SCUBE1: variants seen among roughly 807,000 people sequenced by gnomAD.
SCUBE1 encodes signal peptide, CUB and EGF-like domain-containing protein 1.
A neutral mutation model predicts 124.4 loss-of-function variants in SCUBE1; 59 were observed. The observed-to-expected ratio is 0.47, with a 90% confidence interval of 0.38 to 0.59. The LOEUF (loss-of-function observed/expected upper bound fraction) is 0.59. SCUBE1 is among the 20% of genes least tolerant of loss of function. The probability of loss-of-function intolerance (pLI) is 0.00; values close to 1 mark genes in which losing one functional copy is unlikely to be tolerated. For synonymous variants in SCUBE1, 545 were observed against 550.9 expected (o/e 0.99, Z 0.15); for missense variants, 1,150 against 1,371.2 (o/e 0.84, Z 2.55).
In SCUBE1 at chr22:43,281,461, AGCCACCCTCCTGTCACCTCCCTCTTTG is replaced by A. The variant is rs1316774994; in HGVS notation, c.484+9558_484+9584del. Reference sequence around the variant, plus strand: ...TGGCCACCCTCCTGTCATCTCCCTCAGCCACCCTCCTGTCACCTCCCTCTTTGGCCACCCTCCTGTCACCTCCTCCTC... The same window carrying A: ...TGGCCACCCTCCTGTCATCTCCCTCAGCCACCCTCCTGTCACCTCCTCCTC... On this transcript the variant is annotated intron_variant, in intron 4 of 21. Coordinates refer to ENST00000360835, the MANE Select transcript of SCUBE1 (RefSeq NM_173050.5). Among the ~76,000 whole-genome samples, 177 of 46,466 alleles carry A rather than the reference AGCCACCCTCCTGTCACCTCCCTCTTTG, an allele frequency of 3.8e-3. 12 individuals are homozygous for A. Among genetic ancestry groups the A allele is most frequent in the African/African-American group, 0.03 (121 of 4,074 alleles). 30.5% of individuals were successfully genotyped at this position (46,466 alleles called of 152,430 possible). A position where few individuals can be genotyped will look rare whatever the true frequency, so the allele number is the denominator to read the frequency against.
At chr22:43,284,293 G>A (rs1313498340) in intron 4 of SCUBE1, among the ~76,000 whole-genome samples, 1 of 152,222 alleles carries the variant, frequency 6.6e-6, no homozygotes, top group Admixed American at 6.5e-5. Context: ...AGGCCAAGCC[G>A]ACTCAGGCTG....
At chr22:43,277,952 C>T (rs766549677) in intron 4 of SCUBE1, among the ~76,000 whole-genome samples, 1 of 152,272 alleles carries the variant, frequency 6.6e-6, no homozygotes, top group Non-Finnish European at 1.5e-5. Flanking sequence ...CCTGCACCCA[C>T]AACTCTGGGA....
chr22:43,298,436 C>T (rs1266520548), intron 3 of SCUBE1, among the ~76,000 whole-genome samples: 2 of 152,214 alleles, frequency 1.3e-5, no homozygotes, highest in East Asian at 1.9e-4. Flanking sequence ...AGATGAGGCG[C>T]ATGAATGGTA....
chr22:43,256,146 C>T (rs1923653175), intron 6 of SCUBE1, among the ~76,000 whole-genome samples: 4 of 152,226 alleles, frequency 2.6e-5, no homozygotes, highest in Admixed American at 2.6e-4. Context: ...CACGCACACA[C>T]ATAATGGATC....
At position 43,203,783 on chromosome 22, in the gene SCUBE1, G is replaced by C; in HGVS notation, c.*214C>G. The stretch of plus-strand genomic sequence containing the variant: ...TGGTGTCCTGGGGAAGGGAGGCAGA[G>C]GGAGGGAGGGAGGCTTCCTGAAGCA... On this transcript the variant is annotated 3_prime_UTR_variant, in exon 22 of 22. Coordinates refer to ENST00000360835, the MANE Select transcript of SCUBE1 (RefSeq NM_173050.5). 2.0e-6 allele frequency: 1 copy of C among 512,182 alleles called. No homozygotes were observed. The highest frequency in any genetic ancestry group is 3.5e-6 in the Non-Finnish European group (1 of 287,142). 31.7% of individuals were successfully genotyped at this position (512,182 alleles called of 1,614,324 possible). A position where few individuals can be genotyped will look rare whatever the true frequency, so the allele number is the denominator to read the frequency against.
chr22:43,256,284 T>C lies in SCUBE1; in HGVS notation c.727+1935A>G, dbSNP rs147419019. Among the ~76,000 whole-genome samples the C allele has an allele frequency of 3.3e-5, 5 of 152,332 alleles. No individual in the cohort carries two copies. In the East Asian group the frequency reaches 7.7e-4, roughly 24 times the overall value. ...GGATGCAAAGAGGGATCACTTATTTTAGGAGCATGCAGAGGAGAAGTGGCC... is the reference window on the plus strand; with the variant it reads ...GGATGCAAAGAGGGATCACTTATTTCAGGAGCATGCAGAGGAGAAGTGGCC... On this transcript the variant is annotated intron_variant, in intron 6 of 21. Transcript: ENST00000360835.
chr22:43,284,703 A>T (rs1925061688), intron 4 of SCUBE1, among the ~76,000 whole-genome samples: 1 of 152,282 alleles, frequency 6.6e-6, no homozygotes, highest in South Asian at 2.1e-4. Flanking sequence ...AGTGCCTGGT[A>T]GCAGGGCCTG....
intron 3 of SCUBE1, among the ~76,000 whole-genome samples, chr22:43,305,116 A>G (rs1386261621): frequency 1.3e-5 from 2 of 152,114 alleles, no homozygotes; most frequent in Non-Finnish European, 2.9e-5. Context: ...ATTCTGCATC[A>G]ACAGTGAAGA....
chr22:43,218,421 T>C lies in SCUBE1; in HGVS notation c.1725A>G (p.Glu575=), dbSNP rs749219030. 3.7e-6 allele frequency: 6 copies of C among 1,613,014 alleles called. No individual in the cohort carries two copies. The highest frequency in any genetic ancestry group is 5.1e-6 in the Non-Finnish European group (6 of 1,180,028). The change falls in exon 15 of 22, where the codon GAA becomes GAG. Residue 575 remains glutamate, a synonymous_variant. Transcript: ENST00000360835. ...CEADCLRKRA[E]QSLQAAIKTL... ...TCTTGATGGCGGCCTGCAGGCTCTG[T>C]TCTGCTCGCTTCCGCAAGCAGTCCG...
At chr22:43,223,006 T>C (rs1922158626) in intron 11 of SCUBE1, 91 bp downstream of exon 11, 12 of 1,466,262 alleles carry the variant, frequency 8.2e-6, no homozygotes, top group Non-Finnish European at 1.1e-5. Context: ...GGTCAGACTC[T>C]TTCCTGGAGG....
intron 3 of SCUBE1, among the ~76,000 whole-genome samples, chr22:43,306,155 A>T (rs2146769071): frequency 6.6e-6 from 1 of 152,278 alleles, no homozygotes; most frequent in Non-Finnish European, 1.5e-5. Context: ...AAGCGAGACT[A>T]TTGACAGACG....
Position 43,229,145 on chromosome 22 carries a change from G to A in SCUBE1, c.1011C>T (p.Cys337=). 1.2e-6 allele frequency: 2 copies of A among 1,614,076 alleles called. No homozygotes were observed. The highest frequency in any genetic ancestry group is 1.7e-6 in the Non-Finnish European group (2 of 1,180,018). Reference sequence around the variant, plus strand: ...ACTGGAAGCTGCCCGGGGAGTTGATGCAGATGTGGTCACAGGTCCGCTCGA... The same window carrying A: ...ACTGGAAGCTGCCCGGGGAGTTGATACAGATGTGGTCACAGGTCCGCTCGA... ...CSFERTCDHI[C]INSPGSFQCL... The change falls in exon 9 of 22, where the codon TGC becomes TGT. Residue 337 remains cysteine (C), a synonymous_variant. Coordinates refer to ENST00000360835, the MANE Select transcript of SCUBE1 (RefSeq NM_173050.5).
chr22:43,312,854 T>C (rs1926219353), intron 3 of SCUBE1, among the ~76,000 whole-genome samples: 1 of 151,634 alleles, frequency 6.6e-6, no homozygotes, highest in African/African-American at 2.4e-5. Context: ...TCTAACACCC[T>C]ACGACAAGGA....
At chr22:43,309,620 G>A (rs1926100563) in intron 3 of SCUBE1, among the ~76,000 whole-genome samples, 1 of 152,040 alleles carries the variant, frequency 6.6e-6, no homozygotes, top group African/African-American at 2.4e-5. Flanking sequence ...TTCTAAGCTT[G>A]TGCACCATCT....
chr22:43,275,329 G>C (rs1182848186), intron 4 of SCUBE1, among the ~76,000 whole-genome samples: 2 of 152,230 alleles, frequency 1.3e-5, no homozygotes, highest in Non-Finnish European at 2.9e-5. Context: ...CCTGGCGGTG[G>C]GCTGGGCACA....
At chr22:43,206,836 G>C (rs1921310051) in intron 21 of SCUBE1, among the ~76,000 whole-genome samples, 1 of 152,182 alleles carries the variant, frequency 6.6e-6, no homozygotes, top group Non-Finnish European at 1.5e-5. Context: ...CGCATCCCTG[G>C]TTTCTGCCTA....
chr22:43,262,698 C>A (rs746334424), intron 5 of SCUBE1, 22 bp downstream of exon 5: 22 of 1,612,068 alleles, frequency 1.4e-5, no homozygotes, highest in Non-Finnish European at 1.8e-5. Context: ...GACGTTTGAC[C>A]CATTTGTCTC....
At chr22:43,297,731 C>A (rs761925067) in intron 3 of SCUBE1, among the ~76,000 whole-genome samples, 3 of 152,218 alleles carry the variant, frequency 2.0e-5, no homozygotes. Flanking sequence ...GCTGTTTGTT[C>A]TACTTTGGAC....
At chr22:43,271,603 C>T (rs573991500) in intron 4 of SCUBE1, among the ~76,000 whole-genome samples, 1 of 152,214 alleles carries the variant, frequency 6.6e-6, no homozygotes, top group South Asian at 2.1e-4. Context: ...GGTGCGGCCT[C>T]GGCTTCAGTA....
Sources: gnomAD v4.1 joint callset for allele counts (sites outside exome capture counted in the v4.1 genomes callset) on GRCh38, gnomAD v4.1.1 for gene constraint, MANE v1.5 for transcripts, NCBI Gene and HGNC (gene_info 2026-07-23, HGNC 2026-07-21) for gene names.